Variants in FBXO21 observed in about 807,000 individuals in gnomAD.
FBXO21 encodes the protein F-box only protein 21.
In FBXO21, 32 loss-of-function variants were observed where a neutral mutation model predicts 76.6. The observed-to-expected ratio is 0.42, with a 90% CI of 0.32 to 0.56. The LOEUF is 0.56. Ranked by LOEUF, FBXO21 falls within the 20% of genes least tolerant of loss-of-function variation. The probability of loss-of-function intolerance (pLI) is 0.16; values close to 1 mark genes in which losing one functional copy is unlikely to be tolerated. For missense variants in FBXO21, 586 were observed against 797.3 expected, an observed-to-expected ratio of 0.73 and a Z score of 3.19; for synonymous variants, 328 against 311.5, an observed-to-expected ratio of 1.05 and a Z score of -0.56.
At chr12:117,190,151 C>A in intron 1 of FBXO21, 67 bp downstream of exon 1, 2 of 866,146 alleles carry the variant, frequency 2.3e-6, no homozygotes, top group African/African-American at 3.7e-5. Flanking sequence ...GCTAGCGGGG[C>A]GGCTGCCCGG....
At chr12:117,170,975 A>C (rs1050527111) in intron 7 of FBXO21, among the ~76,000 whole-genome samples, 9 of 152,226 alleles carry the variant, frequency 5.9e-5, no homozygotes, top group African/African-American at 1.7e-4. Context: ...TAAACCATGC[A>C]GTACATCCTC....
chr12:117,188,793 CCTGCAAAG>C (rs1956314527), intron 2 of FBXO21: 1 of 179,738 alleles, frequency 5.6e-6, no homozygotes, highest in Admixed American at 5.5e-5. Flanking sequence ...CTGGGTAGAA[CCTGCAAAG>C]CCAGAGAGAA....
intron 2 of FBXO21, among the ~76,000 whole-genome samples, chr12:117,188,024 ACTTGAAAAGC>A (rs566629874): frequency 2.0e-3 from 299 of 152,360 alleles, no homozygotes; most frequent in African/African-American, 6.9e-3. Context: ...CCCTTTCAAA[ACTTGAAAAGC>A]CTTGAAAACA....
chr12:117,178,970 T>C (rs1956203165), intron 3 of FBXO21, among the ~76,000 whole-genome samples: 1 of 152,192 alleles, frequency 6.6e-6, no homozygotes, highest in Admixed American at 6.5e-5. Flanking sequence ...ACATAGTAGA[T>C]GTTCCATAAC....
chr12:117,175,407 TCA>T (rs1956163352), intron 4 of FBXO21, among the ~76,000 whole-genome samples: 1 of 152,224 alleles, frequency 6.6e-6, no homozygotes, highest in Non-Finnish European at 1.5e-5. Context: ...TCACTCCTCT[TCA>T]CAGTCTTAGG....
At chr12:117,173,361 AC>A (rs1206139237) in intron 6 of FBXO21, among the ~76,000 whole-genome samples, 1 of 152,188 alleles carries the variant, frequency 6.6e-6, no homozygotes, top group Non-Finnish European at 1.5e-5. Flanking sequence ...CTGGCCTGTT[AC>A]AGGAAAAGTT....
At chr12:117,167,471 G>A (rs1039842025) in intron 7 of FBXO21, among the ~76,000 whole-genome samples, 4 of 152,184 alleles carry the variant, frequency 2.6e-5, no homozygotes, top group Admixed American at 1.3e-4. Context: ...CCTCAGCCGG[G>A]CGTGGTGGCT....
chr12:117,176,265 GTCAGTGGAAATTTA>G (rs1255180530), intron 4 of FBXO21, among the ~76,000 whole-genome samples: 2 of 152,192 alleles, frequency 1.3e-5, no homozygotes, highest in African/African-American at 4.8e-5. Flanking sequence ...TCTCCAAGTA[GTCAGTGGAAATTTA>G]ATGGAAGTGA....
At chr12:117,172,937 T>C (rs936350027) in intron 6 of FBXO21, among the ~76,000 whole-genome samples, 13 of 152,344 alleles carry the variant, frequency 8.5e-5, no homozygotes, top group African/African-American at 3.1e-4. Context: ...GACACAGCCA[T>C]GCTCAGTTGT....
intron 9 of FBXO21, among the ~76,000 whole-genome samples, chr12:117,164,341 G>GTT (rs1002342051): frequency 6.7e-6 from 1 of 149,558 alleles, no homozygotes; most frequent in Non-Finnish European, 1.5e-5. Flanking sequence ...AAGTGGCATG[G>GTT]TATCAGCTCA....
At chr12:117,174,830 T>C in intron 4 of FBXO21, 33 bp from the exon 5 acceptor site, 3 of 1,603,742 alleles carry the variant, frequency 1.9e-6, no homozygotes, top group Non-Finnish European at 2.6e-6. Context: ...GAATAAATTC[T>C]CACGTTACCC....
chr12:117,150,581 A>C (rs1459672812), intron 11 of FBXO21, among the ~76,000 whole-genome samples: 2 of 152,236 alleles, frequency 1.3e-5, no homozygotes, highest in African/African-American at 4.8e-5. Flanking sequence ...ATTGCAGCTT[A>C]GTATTCATTC....
At chr12:117,177,889 A>C (rs1458153541) in intron 3 of FBXO21, among the ~76,000 whole-genome samples, 1 of 152,206 alleles carries the variant, frequency 6.6e-6, no homozygotes. Flanking sequence ...ATAAAAGGAA[A>C]TGGAAGAGCA....
At chr12:117,158,187 G>T in intron 9 of FBXO21, 124 bp from the exon 10 acceptor site, 1 of 1,098,606 alleles carries the variant, frequency 9.1e-7, no homozygotes, top group Non-Finnish European at 1.3e-6. Flanking sequence ...GGGTGGCTAT[G>T]CCCTGATCGA....
intron 3 of FBXO21, among the ~76,000 whole-genome samples, chr12:117,181,649 T>C (rs1209489501): frequency 1.4e-5 from 2 of 146,722 alleles, no homozygotes; most frequent in African/African-American, 5.0e-5. Context: ...ATCTATCTAA[T>C]CTAGCTATCT....
At chr12:117,153,571 G>A (rs1462939750) in intron 11 of FBXO21, among the ~76,000 whole-genome samples, 1 of 152,216 alleles carries the variant, frequency 6.6e-6, no homozygotes, top group Non-Finnish European at 1.5e-5. Flanking sequence ...ACCCCAAGGG[G>A]GAAGGAGATG....
chr12:117,157,848 A>T, intron 10 of FBXO21, 25 bp downstream of exon 10: 1 of 1,572,198 alleles, frequency 6.4e-7, no homozygotes, highest in Non-Finnish European at 8.7e-7. Flanking sequence ...CGGACACTGC[A>T]GGACAGATGA....
At chr12:117,171,820 C>G (rs751215709) in intron 7 of FBXO21, among the ~76,000 whole-genome samples, 32 of 152,116 alleles carry the variant, frequency 2.1e-4, no homozygotes, top group Non-Finnish European at 4.1e-4. Context: ...GAATATATTT[C>G]TACCTGTTGA....
chr12:117,181,946 T>A (rs1428947571), intron 3 of FBXO21, among the ~76,000 whole-genome samples: 1 of 152,198 alleles, frequency 6.6e-6, no homozygotes, highest in African/African-American at 2.4e-5. Context: ...CCACTGTGCC[T>A]GGCCCAGTGT....
Sources: allele counts gnomAD v4.1 joint callset (sites outside exome capture counted in the v4.1 genomes callset), GRCh38; gene constraint gnomAD v4.1.1; transcripts MANE v1.5; gene names NCBI Gene and HGNC (gene_info 2026-07-23, HGNC 2026-07-21).